The following SYNE2 variants were observed in gnomAD, a reference collection of about 807,000 sequenced individuals.
SYNE2 encodes the protein spectrin repeat containing nuclear envelope protein 2.
In SYNE2, 431 loss-of-function variants were observed where a neutral mutation model predicts 856.3. The observed-to-expected ratio is 0.50, with a 90% CI of 0.47 to 0.55. SYNE2 has a LOEUF of 0.55. Ranked by LOEUF, SYNE2 falls within the 20% of genes least tolerant of loss-of-function variation. The pLI, the probability that SYNE2 is intolerant of heterozygous loss-of-function variation, is 0.00. For missense variants in SYNE2, 8,129 were observed against 8,023.2 expected (o/e 1.01, Z -0.50); for synonymous variants, 2,923 against 2,872.3 (o/e 1.02, Z -0.56).
intron 65 of SYNE2, among the ~76,000 whole-genome samples, chr14:64,110,801 A>C (rs1447153870): frequency 6.6e-6 from 1 of 152,060 alleles, no homozygotes; most frequent in Non-Finnish European, 1.5e-5. Flanking sequence ...AAAGGGAGGC[A>C]TGTGGGCTGA....
chr14:64,215,876 T>G (rs1240236999), intron 107 of SYNE2: 45 of 1,180,324 alleles, frequency 3.8e-5, no homozygotes, highest in Non-Finnish European at 4.8e-5. Context: ...CTGAGGAGCC[T>G]TTTGGTTCCC....
chr14:64,175,214 G>A (rs2098428327), intron 95 of SYNE2, 76 bp downstream of exon 95: 1 of 1,552,934 alleles, frequency 6.4e-7, no homozygotes, highest in Admixed American at 1.8e-5. Context: ...TGTGAAAATG[G>A]AAATGGTTTT....
At position 63,816,582 on chromosome 14, in the gene SYNE2, C is replaced by T. The variant is rs150396371; in HGVS notation, c.-304-35919C>T. 1.1e-4 allele frequency among the ~76,000 whole-genome samples: 17 copies of T among 152,194 alleles called. No homozygotes were observed. In the East Asian group the frequency reaches 1.9e-3, roughly 17 times the overall value. On this transcript the variant is annotated intron_variant, in intron 1 of 23. Transcript: ENST00000674003. ...TCTAGGAAGAATTTTCTGACCTCCC[C>T]CTAAAGCTCGTCATAAGACCCTCAT...
chr14:63,896,324 C>T (rs1595499616), intron 1 of SYNE2, among the ~76,000 whole-genome samples: 1 of 152,088 alleles, frequency 6.6e-6, no homozygotes, highest in East Asian at 1.9e-4. Context: ...CCTATCATAT[C>T]CTGCATAGTA....
chr14:64,178,581 C>G (rs894249025), intron 96 of SYNE2, among the ~76,000 whole-genome samples: 3 of 152,158 alleles, frequency 2.0e-5, no homozygotes, highest in South Asian at 4.1e-4. Flanking sequence ...CCTCAGCCCC[C>G]CCGAGTAGCC....
At position 64,219,199 on chromosome 14, in the gene SYNE2, T is replaced by A. The variant is rs546287432; in HGVS notation, c.19658-9T>A. On this transcript the variant is annotated splice_polypyrimidine_tract_variant and intron_variant, in intron 109 of 115. Transcript: ENST00000555002. ...TTGCTTTTTTTAATTGGCGATTTTT[T>A]AATTCCAGGTGCCTTCGACAGATGG... 6.8e-6 allele frequency: 11 copies of A among 1,613,244 alleles called. No homozygotes were observed. The highest frequency in any genetic ancestry group is 6.7e-5 in the African/African-American group (5 of 74,904).
At chr14:64,025,940 T>C (rs1253916067) in intron 41 of SYNE2, among the ~76,000 whole-genome samples, 2 of 152,042 alleles carry the variant, frequency 1.3e-5, no homozygotes, top group African/African-American at 4.8e-5. Flanking sequence ...TTATAATAAA[T>C]TTAAAAATTC....
chr14:64,124,547 A>G (rs1595686908), intron 70 of SYNE2, among the ~76,000 whole-genome samples: 1 of 152,042 alleles, frequency 6.6e-6, no homozygotes. Flanking sequence ...TGATATCTAA[A>G]TGAAACCTCA....
intron 6 of SYNE2, among the ~76,000 whole-genome samples, chr14:63,946,685 A>C (rs2153425099): frequency 6.7e-6 from 1 of 148,562 alleles, no homozygotes; most frequent in South Asian, 2.1e-4. Flanking sequence ...CATATATTAC[A>C]GTATAACATA....
Position 63,976,514 on chromosome 14 carries a change from A to G in SYNE2, c.1129-49A>G, listed in dbSNP as rs199907850. The G allele has an allele frequency of 1.1e-4, 178 of 1,584,082 alleles. 1 individual carries two copies. In the African/African-American group the frequency reaches 2.2e-3, roughly 19 times the overall value. ...CATACTGTATGTGAAGAAATAAACTAGAAAAGTTCTACTGAAGAATATGTT... is the reference window on the plus strand; with the variant it reads ...CATACTGTATGTGAAGAAATAAACTGGAAAAGTTCTACTGAAGAATATGTT... On this transcript the variant is annotated intron_variant, in intron 11 of 115. Transcript: ENST00000555002.
At chr14:63,865,724 C>CCCCCCA (rs1555352398) in intron 1 of SYNE2, among the ~76,000 whole-genome samples, 1 of 95,412 alleles carries the variant, frequency 1.0e-5, no homozygotes, top group Non-Finnish European at 2.2e-5. Context: ...ACCCCCCCCC[C>CCCCCCA]AAAAAAAAAG....
chr14:64,212,164 G>C, intron 104 of SYNE2, 66 bp downstream of exon 104: 1 of 1,609,570 alleles, frequency 6.2e-7, no homozygotes, highest in Non-Finnish European at 8.5e-7. Flanking sequence ...AGCTGGCCAA[G>C]TGCAAATTTC....
At chr14:63,948,748 G>A (rs1436354689) in intron 6 of SYNE2, among the ~76,000 whole-genome samples, 4 of 121,600 alleles carry the variant, frequency 3.3e-5, no homozygotes, top group African/African-American at 9.3e-5. Flanking sequence ...AGATATGTGT[G>A]TGTATATATA....
intron 101 of SYNE2, 195 bp downstream of exon 101, chr14:64,209,140 T>A: frequency 1.1e-6 from 1 of 871,240 alleles, no homozygotes. Flanking sequence ...CCAGCTGTCC[T>A]GTGTGGGGTG....
chr14:63,830,159 G>A (rs184471979), intron 1 of SYNE2, among the ~76,000 whole-genome samples: 2 of 152,072 alleles, frequency 1.3e-5, no homozygotes, highest in East Asian at 3.9e-4. Flanking sequence ...CCATTTATAT[G>A]CAATGTCCAG....
chr14:63,784,795 C>A (rs1224981015), intron 1 of SYNE2, among the ~76,000 whole-genome samples: 1 of 151,702 alleles, frequency 6.6e-6, no homozygotes, highest in Non-Finnish European at 1.5e-5. Context: ...AACATAGAGA[C>A]CCTGTCTCCT....
intron 99 of SYNE2, among the ~76,000 whole-genome samples, chr14:64,201,206 C>T (rs780657495): frequency 6.6e-6 from 1 of 152,210 alleles, no homozygotes; most frequent in Non-Finnish European, 1.5e-5. Flanking sequence ...TTCCGGCCCT[C>T]ACCTCACCCG....
At chr14:63,981,952 A>T (rs145765222) in intron 16 of SYNE2, among the ~76,000 whole-genome samples, 1 of 152,178 alleles carries the variant, frequency 6.6e-6, no homozygotes, top group Non-Finnish European at 1.5e-5. Flanking sequence ...GTCTTCCAAC[A>T]GTCTTTCTGT....
chr14:64,002,622 C>G, intron 29 of SYNE2, 98 bp from the exon 30 acceptor site: 4 of 1,372,360 alleles, frequency 2.9e-6, no homozygotes, highest in Non-Finnish European at 4.0e-6. Flanking sequence ...AAGCATTTTT[C>G]TAGATCAAAT....
Sources: allele counts gnomAD v4.1 joint callset (sites outside exome capture counted in the v4.1 genomes callset), GRCh38; gene constraint gnomAD v4.1.1; transcripts MANE v1.5; gene names NCBI Gene and HGNC (gene_info 2026-07-23, HGNC 2026-07-21).